Variants in TMEM177 observed in about 807,000 individuals in gnomAD.
The protein encoded by TMEM177 is transmembrane protein 177.
A neutral mutation model predicts 14.2 loss-of-function variants in TMEM177; 4 were observed. The ratio of observed to expected loss-of-function variants is 0.28; its 90% CI spans 0.14 to 0.64. TMEM177 has a LOEUF of 0.64. Among genes scored for constraint, TMEM177 ranks in the 30% least tolerant of loss-of-function variants. TMEM177 has a pLI of 0.82. For synonymous variants in TMEM177, 179 were observed against 174.5 expected (o/e 1.03, Z -0.20); for missense variants, 344 against 405.2 (o/e 0.85, Z 1.30).
chr2:119,715,668 C>T, the TMEM177 span, among the ~76,000 whole-genome samples: 1 of 152,226 alleles, frequency 6.6e-6, no homozygotes, highest in South Asian at 2.1e-4. Context: ...GCTTCTCTCC[C>T]ACTGGACGGT....
chr2:119,707,774 T>G, the TMEM177 span, among the ~76,000 whole-genome samples: 1 of 152,154 alleles, frequency 6.6e-6, no homozygotes, highest in Non-Finnish European at 1.5e-5. Context: ...TCCATGCCAC[T>G]CGCCCCTCCC....
chr2:119,683,585 G>A (rs375338451), downstream of TMEM177, among the ~76,000 whole-genome samples: 2 of 152,130 alleles, frequency 1.3e-5, no homozygotes, highest in Non-Finnish European at 2.9e-5. Flanking sequence ...CATTCCTGCT[G>A]ATCTGCCCGA....
the TMEM177 span, among the ~76,000 whole-genome samples, chr2:119,714,321 G>A: frequency 6.6e-6 from 1 of 152,168 alleles, no homozygotes; most frequent in African/African-American, 2.4e-5. Flanking sequence ...GAGTTTTCCT[G>A]GGTAAAAATG....
the TMEM177 span, among the ~76,000 whole-genome samples, chr2:119,722,978 T>C: frequency 6.6e-6 from 1 of 152,214 alleles, no homozygotes; most frequent in Non-Finnish European, 1.5e-5. Context: ...TAACAATTAG[T>C]TGGCCTTCCT....
downstream of TMEM177, chr2:119,685,962 CA>C (rs1242598262): frequency 2.0e-6 from 1 of 500,318 alleles, no homozygotes; most frequent in Non-Finnish European, 3.5e-6. Context: ...AAGGGACAAC[CA>C]GCCTACCATG....
the TMEM177 span, among the ~76,000 whole-genome samples, chr2:119,716,112 C>T: frequency 6.6e-6 from 1 of 152,144 alleles, no homozygotes; most frequent in Non-Finnish European, 1.5e-5. Context: ...AAGTGATATC[C>T]GAGAGTGATC....
the TMEM177 span, among the ~76,000 whole-genome samples, chr2:119,702,423 T>C: frequency 6.6e-6 from 1 of 152,064 alleles, no homozygotes; most frequent in South Asian, 2.1e-4. Flanking sequence ...ATCTCAGCAG[T>C]GAGTGAGATG....
At chr2:119,683,799 G>C (rs1688960104), downstream of TMEM177, among the ~76,000 whole-genome samples, 1 of 152,146 alleles carries the variant, frequency 6.6e-6, no homozygotes, top group South Asian at 2.1e-4. Context: ...GCTCCGCCTT[G>C]CTGCACTGTT....
the TMEM177 span, among the ~76,000 whole-genome samples, chr2:119,695,194 G>T: frequency 6.6e-6 from 1 of 152,222 alleles, no homozygotes; most frequent in African/African-American, 2.4e-5. Flanking sequence ...CAACGAAGGT[G>T]ACAGCCCCGG....
chr2:119,722,047 G>A, the TMEM177 span, among the ~76,000 whole-genome samples: 1 of 152,174 alleles, frequency 6.6e-6, no homozygotes, highest in Admixed American at 6.5e-5. Context: ...GCTATTTTGA[G>A]GAGTGGTAAA....
At chr2:119,691,090 A>T (rs757283366), downstream of TMEM177, among the ~76,000 whole-genome samples, 3 of 152,138 alleles carry the variant, frequency 2.0e-5, no homozygotes, top group Admixed American at 2.0e-4. Flanking sequence ...AGGATCTGGA[A>T]TCAGAGTCCT....
At chr2:119,693,583 T>C in the TMEM177 span, among the ~76,000 whole-genome samples, 2 of 152,170 alleles carry the variant, frequency 1.3e-5, no homozygotes, top group Non-Finnish European at 2.9e-5. Context: ...AGCTTCTCTC[T>C]GAGCTGACCC....
chr2:119,721,442 T>G, the TMEM177 span, among the ~76,000 whole-genome samples: 1 of 152,250 alleles, frequency 6.6e-6, no homozygotes, highest in Non-Finnish European at 1.5e-5. Context: ...ATTGATATTC[T>G]TTATTATAAA....
downstream of TMEM177, among the ~76,000 whole-genome samples, chr2:119,684,176 A>C (rs1306008863): frequency 6.6e-6 from 1 of 152,066 alleles, no homozygotes; most frequent in Non-Finnish European, 1.5e-5. Context: ...GCCTCACTGC[A>C]GTTTGGTTCC....
chr2:119,701,569 G>A, the TMEM177 span, among the ~76,000 whole-genome samples: 1 of 152,204 alleles, frequency 6.6e-6, no homozygotes, highest in Non-Finnish European at 1.5e-5. Context: ...CGGTGTCCCA[G>A]CGCAGTGACA....
At position 119,681,351 on chromosome 2, in the gene TMEM177, T is replaced by A. The variant is rs568702294; in HGVS notation, c.498T>A (p.Thr166=). The change falls in exon 2 of 2, where the codon ACT becomes ACA. Residue 166 remains threonine, a synonymous_variant. Coordinates refer to ENST00000272521, the MANE Select transcript of TMEM177 (RefSeq NM_030577.3). The part of the protein sequence containing the change: ...REVVYLESST[T]AVHALLAPAC... The stretch of plus-strand genomic sequence containing the variant: ...TGGTGTACCTGGAAAGCAGTACCAC[T>A]GCCGTGCACGCCCTGCTGGCCCCAG... The A allele has an allele frequency of 1.2e-6, 2 of 1,614,154 alleles. No homozygotes were observed. The highest frequency in any genetic ancestry group is 2.7e-5 in the African/African-American group (2 of 75,084).
downstream of TMEM177, among the ~76,000 whole-genome samples, chr2:119,684,364 A>G (rs542844149): frequency 3.3e-5 from 5 of 152,272 alleles, no homozygotes; most frequent in Admixed American, 3.3e-4. Flanking sequence ...GTCTCACGTC[A>G]GATGCCCGTT....
At chr2:119,715,447 G>T in the TMEM177 span, among the ~76,000 whole-genome samples, 3 of 152,260 alleles carry the variant, frequency 2.0e-5, no homozygotes, top group East Asian at 5.8e-4. Context: ...TTTAGGGAGA[G>T]TATCTCGCAC....
chr2:119,702,251 T>A, the TMEM177 span, among the ~76,000 whole-genome samples: 1 of 152,098 alleles, frequency 6.6e-6, no homozygotes, highest in Non-Finnish European at 1.5e-5. Flanking sequence ...ATGGAGTCGG[T>A]TAGGTCTGAT....
Sources: allele counts gnomAD v4.1 joint callset (sites outside exome capture counted in the v4.1 genomes callset), GRCh38; gene constraint gnomAD v4.1.1; transcripts MANE v1.5; gene names NCBI Gene and HGNC (gene_info 2026-07-23, HGNC 2026-07-21).